Variants in KDM2B observed in about 807,000 individuals in gnomAD.
KDM2B encodes lysine-specific demethylase 2B.
A neutral mutation model predicts 150.0 loss-of-function variants in KDM2B; 26 were observed. The ratio of observed to expected loss-of-function variants is 0.17; its 90% CI spans 0.13 to 0.24. The LOEUF is 0.24. KDM2B is among the 10% of genes least tolerant of loss of function. KDM2B has a pLI of 1.00. For synonymous variants in KDM2B, 734 were observed against 729.5 expected, an observed-to-expected ratio of 1.01 and a Z score of -0.10; for missense variants, 1,265 against 1,816.9, an observed-to-expected ratio of 0.70 and a Z score of 5.52.
chr12:121,422,600 A>G, the KDM2B span, among the ~76,000 whole-genome samples: 3 of 152,244 alleles, frequency 2.0e-5, no homozygotes, highest in African/African-American at 7.2e-5. Flanking sequence ...TCTAGAGACT[A>G]CTGACCTTTC....
At chr12:121,572,571 T>C (rs1555316135) in intron 4 of KDM2B, among the ~76,000 whole-genome samples, 1 of 152,242 alleles carries the variant, frequency 6.6e-6, no homozygotes, top group African/African-American at 2.4e-5. Flanking sequence ...GACCACCCTG[T>C]CTAAAATGAA....
intron 6 of KDM2B, among the ~76,000 whole-genome samples, chr12:121,547,297 C>G (rs1262358337): frequency 3.4e-4 from 52 of 152,162 alleles, no homozygotes; most frequent in Non-Finnish European, 1.5e-5. Flanking sequence ...GCCTTTGATG[C>G]AGCCCAGATC....
intron 4 of KDM2B, among the ~76,000 whole-genome samples, chr12:121,569,351 C>T (rs782226097): frequency 2.6e-5 from 4 of 152,164 alleles, no homozygotes; most frequent in African/African-American, 4.8e-5. Flanking sequence ...GCAGGATAGA[C>T]GCCTGAAGCT....
chr12:121,447,640 T>G (rs1876498139), intron 13 of KDM2B, among the ~76,000 whole-genome samples: 1 of 152,048 alleles, frequency 6.6e-6, no homozygotes, highest in Non-Finnish European at 1.5e-5. Context: ...ATGTAATTAT[T>G]TCTCATAAAA....
At chr12:121,570,053 T>G (rs1314509659) in intron 4 of KDM2B, among the ~76,000 whole-genome samples, 1 of 151,964 alleles carries the variant, frequency 6.6e-6, no homozygotes, top group East Asian at 1.9e-4. Flanking sequence ...TTTTTGGTTT[T>G]GTTTTGTTTT....
the KDM2B span, among the ~76,000 whole-genome samples, chr12:121,410,190 C>G: frequency 1.3e-5 from 2 of 151,334 alleles, no homozygotes; most frequent in African/African-American, 4.9e-5. Context: ...CATTTCAGCA[C>G]TGGGATGCCA....
chr12:121,465,158 G>A (rs185203635), intron 12 of KDM2B, among the ~76,000 whole-genome samples: 13 of 152,254 alleles, frequency 8.5e-5, no homozygotes, highest in African/African-American at 3.1e-4. Context: ...TGCCACAATC[G>A]GCTTGACCAA....
At chr12:121,420,744 G>T in the KDM2B span, 1 of 1,613,840 alleles carries the variant, frequency 6.2e-7, no homozygotes, top group Non-Finnish European at 8.5e-7. Context: ...AAGTAAACCG[G>T]TTATACAAAG....
intron 10 of KDM2B, among the ~76,000 whole-genome samples, chr12:121,512,245 C>T (rs1227475632): frequency 6.6e-6 from 1 of 152,062 alleles, no homozygotes; most frequent in Non-Finnish European, 1.5e-5. Context: ...GACTTTCCAA[C>T]CCCCTGAATA....
Position 121,548,890 on chromosome 12 carries a change from G to C in KDM2B, c.670C>G (p.Pro224Ala). The change falls in exon 6 of 23, where the codon CCG becomes GCG. Residue 224 changes from proline to alanine, a missense_variant. Physicochemically the swap from Pro to Ala is conservative, Grantham distance 27 (BLOSUM62 -1). Around this residue, in one of 11 missense-constraint regions of KDM2B, gnomAD observed 214 missense variants for 447.4 expected, o/e 0.48. Transcript: ENST00000377071. ...AGGCAGTCTTACTTTTTCACTTTCG[G>C]GTACTTCATCTCTGCAATGGCGTTC... ...ATNAIAEMKY[P>A]KVKKYCLMSV... 6.2e-7 allele frequency: 1 copy of C among 1,613,840 alleles called. No individual in the cohort carries two copies. Among genetic ancestry groups the C allele is most frequent in the Non-Finnish European group, 8.5e-7 (1 of 1,179,744 alleles).
intron 12 of KDM2B, among the ~76,000 whole-genome samples, chr12:121,479,466 C>CAAAAAA (rs368195967): frequency 7.1e-4 from 99 of 139,702 alleles, no homozygotes; most frequent in African/African-American, 2.4e-3. Context: ...GACCCTGTCT[C>CAAAAAA]AAAAAAAAAA....
chr12:121,557,231 ATTTTTTTTTT>A (rs142679491), intron 4 of KDM2B, among the ~76,000 whole-genome samples: 26 of 103,720 alleles, frequency 2.5e-4, no homozygotes, highest in African/African-American at 9.4e-4. Flanking sequence ...AGACAAGAGA[ATTTTTTTTTT>A]TTTTTTTTTT....
chr12:121,432,208 C>G (rs1156486169), intron 22 of KDM2B, among the ~76,000 whole-genome samples: 6 of 152,026 alleles, frequency 3.9e-5, no homozygotes, highest in African/African-American at 1.2e-4. Flanking sequence ...AAGGGTATCC[C>G]TTAATCTTCT....
At position 121,478,866 on chromosome 12, in the gene KDM2B, T is replaced by TTGTTTGTTTG. The variant is rs61509046; in HGVS notation, c.1734+15712_1734+15713insCAAACAAACA. Among the ~76,000 whole-genome samples the TTGTTTGTTTG allele has an allele frequency of 8.1e-3, 1,066 of 131,196 alleles. 24 individuals are homozygous for TTGTTTGTTTG. The East Asian group carries it at 0.086, about 11-fold the overall frequency. 86.1% of individuals were successfully genotyped at this position (131,196 alleles called of 152,430 possible). A position where few individuals can be genotyped will look rare whatever the true frequency, so the allele number is the denominator to read the frequency against. ...CCACAACCGGCTAATTTTTGTTTGT[T>TTGTTTGTTTG]TGTGTGTGTGTGTGTGTGTGTGTGT... On this transcript the variant is annotated intron_variant, in intron 12 of 22. Coordinates refer to ENST00000377071, the MANE Select transcript of KDM2B (RefSeq NM_032590.5).
chr12:121,486,970 C>T (rs1417962392), intron 12 of KDM2B, among the ~76,000 whole-genome samples: 5 of 151,078 alleles, frequency 3.3e-5, no homozygotes, highest in East Asian at 1.9e-4. Flanking sequence ...GAGACCCCCC[C>T]GATACAAAAA....
chr12:121,433,483 T>C (rs191027049), intron 22 of KDM2B, among the ~76,000 whole-genome samples: 4 of 152,286 alleles, frequency 2.6e-5, no homozygotes, highest in Non-Finnish European at 4.4e-5. Context: ...GCTTCCTGAG[T>C]AGCTGGGACT....
chr12:121,418,136 C>G, the KDM2B span: 1 of 543,308 alleles, frequency 1.8e-6, no homozygotes, highest in South Asian at 2.4e-5. Flanking sequence ...CCCAAAATAG[C>G]TCATCAGTCT....
chr12:121,454,708 C>T (rs188815311), intron 12 of KDM2B, among the ~76,000 whole-genome samples: 2 of 152,324 alleles, frequency 1.3e-5, no homozygotes, highest in East Asian at 3.9e-4. Flanking sequence ...CGGCATCTAA[C>T]GCCTAAAGCC....
intron 8 of KDM2B, among the ~76,000 whole-genome samples, chr12:121,530,153 G>A (rs1331943660): frequency 1.3e-5 from 2 of 150,554 alleles, no homozygotes; most frequent in Non-Finnish European, 3.0e-5. Context: ...GTGTGAACCC[G>A]GGAGGCGGAG....
Sources: allele counts gnomAD v4.1 joint callset (sites outside exome capture counted in the v4.1 genomes callset), GRCh38; gene constraint gnomAD v4.1.1; regional missense constraint gnomAD v4.1.1; transcripts MANE v1.5; gene names NCBI Gene and HGNC (gene_info 2026-07-23, HGNC 2026-07-21).